NHSL3: variants seen among roughly 807,000 people sequenced by gnomAD.
NHSL3 encodes the protein NHS-like protein 3.
At chr1:32,768,621 G>T in the NHSL3 span, 1 of 1,612,558 alleles carries the variant, frequency 6.2e-7, no homozygotes, top group Non-Finnish European at 8.5e-7. Context: ...TGAGGAGACA[G>T]CCCCACCCAG....
chr1:32,752,934 CACACACACACACACACATATATATAT>C, the NHSL3 span, among the ~76,000 whole-genome samples: 9 of 9,600 alleles, frequency 9.4e-4, no homozygotes, highest in African/African-American at 1.4e-3. Context: ...CACACACACA[CACACACACACACACACATATATATAT>C]ATATATATTT....
At chr1:32,773,449 G>T in the NHSL3 span, 1 of 158,174 alleles carries the variant, frequency 6.3e-6, no homozygotes, top group Non-Finnish European at 1.4e-5. Context: ...CCTGAAGGTG[G>T]CCAAGTCATT....
the NHSL3 span, among the ~76,000 whole-genome samples, chr1:32,759,382 A>C: frequency 6.6e-6 from 1 of 152,234 alleles, no homozygotes; most frequent in African/African-American, 2.4e-5. Flanking sequence ...GAAGGAACTA[A>C]GGAAAGGGCT....
chr1:32,758,304 A>G, the NHSL3 span, among the ~76,000 whole-genome samples: 8 of 152,042 alleles, frequency 5.3e-5, no homozygotes, highest in African/African-American at 1.4e-4. Flanking sequence ...GCTCACACAC[A>G]TGGCCCTCCT....
chr1:32,770,627 A>G, the NHSL3 span: 6 of 1,516,896 alleles, frequency 4.0e-6, no homozygotes, highest in Non-Finnish European at 4.4e-6. This position sits in a 1 kb window ranked among gnomAD's most constrained non-coding sequence, Gnocchi z 8.3. Context: ...AGCAGTGGGC[A>G]GTTGTCTGGC....
the NHSL3 span, among the ~76,000 whole-genome samples, chr1:32,745,760 T>C: frequency 6.6e-6 from 1 of 151,990 alleles, no homozygotes; most frequent in Non-Finnish European, 1.5e-5. Context: ...CTGTGGAGCA[T>C]GGTGCAGCTG....
the NHSL3 span, among the ~76,000 whole-genome samples, chr1:32,743,354 T>G: frequency 1.3e-5 from 2 of 152,158 alleles, no homozygotes; most frequent in Non-Finnish European, 2.9e-5. Context: ...TGTGATTGTA[T>G]CCGGCTTGAT....
At chr1:32,754,312 AC>A in the NHSL3 span, 1 of 572,690 alleles carries the variant, frequency 1.7e-6, no homozygotes, top group South Asian at 2.1e-5. Context: ...CGCAGACCCC[AC>A]CCCTCACAGG....
At chr1:32,772,860 C>G in the NHSL3 span, 1 of 1,613,962 alleles carries the variant, frequency 6.2e-7, no homozygotes, top group Non-Finnish European at 8.5e-7. Context: ...ATTTTTCTCC[C>G]CCAGACTCAC....
At chr1:32,772,556 C>A in the NHSL3 span, 1 of 1,427,338 alleles carries the variant, frequency 7.0e-7, no homozygotes, top group Non-Finnish European at 9.2e-7. Flanking sequence ...TCTGAGAATG[C>A]CTGGGAAGGG....
chr1:32,746,099 C>G, the NHSL3 span, among the ~76,000 whole-genome samples: 4 of 151,592 alleles, frequency 2.6e-5, no homozygotes, highest in Non-Finnish European at 5.9e-5. Context: ...GGTGTGGTGT[C>G]GGGCGCCTGT....
the NHSL3 span, among the ~76,000 whole-genome samples, chr1:32,748,403 G>T: frequency 6.6e-6 from 1 of 152,178 alleles, no homozygotes; most frequent in Non-Finnish European, 1.5e-5. Flanking sequence ...CAAGTCTCTG[G>T]GGTCGTGGGC....
chr1:32,750,109 C>T, the NHSL3 span, among the ~76,000 whole-genome samples: 2 of 152,200 alleles, frequency 1.3e-5, no homozygotes, highest in African/African-American at 2.4e-5. Context: ...GGGACACACA[C>T]CTTCCTTGTG....
chr1:32,765,916 C>A, the NHSL3 span: 1 of 1,264,816 alleles, frequency 7.9e-7, no homozygotes, highest in Non-Finnish European at 1.1e-6. Context: ...CAAGGCTGGG[C>A]AAAAGTAATG....
chr1:32,771,937 G>A, the NHSL3 span: 4 of 1,602,272 alleles, frequency 2.5e-6, no homozygotes, highest in African/African-American at 1.3e-5. Flanking sequence ...GTCAGGGCGG[G>A]CCAGCCCAGT....
chr1:32,771,967 C>T, the NHSL3 span: 1 of 1,606,250 alleles, frequency 6.2e-7, no homozygotes, highest in South Asian at 1.1e-5. Context: ...CTCCTCAGGG[C>T]TCCATGCTGC....
chr1:32,747,946 T>TA, the NHSL3 span, among the ~76,000 whole-genome samples: 1 of 151,800 alleles, frequency 6.6e-6, no homozygotes, highest in Admixed American at 6.6e-5. Context: ...CCATCTCTAC[T>TA]AAAAATGCAA....
the NHSL3 span, among the ~76,000 whole-genome samples, chr1:32,764,809 G>A: frequency 7.2e-5 from 11 of 152,268 alleles, no homozygotes; most frequent in East Asian, 1.2e-3. Context: ...ATATGAGATC[G>A]TGACTTGTGT....
chr1:32,762,468 T>A, the NHSL3 span, among the ~76,000 whole-genome samples: 1 of 143,236 alleles, frequency 7.0e-6, no homozygotes, highest in Non-Finnish European at 1.5e-5. Context: ...ATATATTTAC[T>A]TTTTTTTTTT....
Sources: allele counts gnomAD v4.1 joint callset (sites outside exome capture counted in the v4.1 genomes callset), GRCh38; gene constraint gnomAD v4.1.1; non-coding constraint Gnocchi (gnomAD v3.1); transcripts MANE v1.5; gene names NCBI Gene and HGNC (gene_info 2026-07-23, HGNC 2026-07-21).